The following RYR2 variants were observed in gnomAD, a reference collection of about 807,000 sequenced individuals.
RYR2 encodes cardiac muscle ryanodine receptor-calcium release channel.
Under a neutral mutation model 601.1 loss-of-function variants are expected in RYR2, and 227 were observed. The observed-to-expected ratio is 0.38, with a 90% CI of 0.34 to 0.42. The LOEUF (loss-of-function observed/expected upper bound fraction) is 0.42, where lower values mean the gene tolerates loss of function less well. Among genes scored for constraint, RYR2 ranks in the 10% least tolerant of loss-of-function variants. The probability of loss-of-function intolerance (pLI) is 1.00; values close to 1 mark genes in which losing one functional copy is unlikely to be tolerated. For missense variants in RYR2, 4,646 were observed against 6,156.5 expected (o/e 0.75, Z 8.21); for synonymous variants, 2,223 against 2,175.1 (o/e 1.02, Z -0.61).
chr1:237,208,936 GTATATA>G (rs56133827), intron 1 of RYR2, among the ~76,000 whole-genome samples: 2,234 of 89,622 alleles, frequency 0.025, 96 homozygotes, highest in African/African-American at 0.065. Flanking sequence ...ATGTGTGTGT[GTATATA>G]TATATATATA....
At chr1:237,728,834 A>G (rs567754521) in intron 76 of RYR2, among the ~76,000 whole-genome samples, 1 of 151,984 alleles carries the variant, frequency 6.6e-6, no homozygotes, top group East Asian at 1.9e-4. Context: ...CCTAATGCAT[A>G]TGGGGCTTAA....
chr1:237,208,960 A>ATATATATATATATATATATATG (rs1682169702), intron 1 of RYR2, among the ~76,000 whole-genome samples: 1 of 103,008 alleles, frequency 9.7e-6, no homozygotes, highest in African/African-American at 3.2e-5. Context: ...ATATATATAT[A>ATATATATATATATATATATATG]TATATATATA....
At chr1:237,343,619 G>A (rs1385978185) in intron 3 of RYR2, among the ~76,000 whole-genome samples, 4 of 152,120 alleles carry the variant, frequency 2.6e-5, no homozygotes, top group Non-Finnish European at 4.4e-5. Context: ...TGGACTGGAA[G>A]TTTTGTTTCT....
At position 237,819,020 on chromosome 1, in the gene RYR2, C is replaced by T; in HGVS notation, c.14434-16C>T. On this transcript the variant is annotated splice_polypyrimidine_tract_variant and intron_variant, in intron 100 of 104. Coordinates refer to ENST00000366574, the MANE Select transcript of RYR2 (RefSeq NM_001035.3). The surrounding 1 kb of genome is among the most constrained non-coding windows in gnomAD (Gnocchi z 4.0). ...GTAATGTCCCTCCAAGAAGTGATACCATGTCTTTTTTCCAGTGCTATATGT... is the reference window on the plus strand; with the variant it reads ...GTAATGTCCCTCCAAGAAGTGATACTATGTCTTTTTTCCAGTGCTATATGT... 1 of 1,597,614 alleles carries T rather than the reference C, an allele frequency of 6.3e-7. No individual in the cohort carries two copies. Among genetic ancestry groups the T allele is most frequent in the Non-Finnish European group, 8.6e-7 (1 of 1,168,466 alleles).
intron 1 of RYR2, among the ~76,000 whole-genome samples, chr1:237,183,036 T>C (rs1678960214): frequency 6.6e-6 from 1 of 152,128 alleles, no homozygotes. Flanking sequence ...CATTAGTTGG[T>C]TTGGTGATGA....
chr1:237,155,420 C>CCCACCT (rs1675216268), intron 1 of RYR2, among the ~76,000 whole-genome samples: 1 of 152,006 alleles, frequency 6.6e-6, no homozygotes, highest in African/African-American at 2.4e-5. Context: ...TTGTGATCCA[C>CCCACCT]CCACCTCCAC....
intron 100 of RYR2, among the ~76,000 whole-genome samples, chr1:237,815,918 T>A (rs1661769519): frequency 6.6e-6 from 1 of 152,136 alleles, no homozygotes; most frequent in African/African-American, 2.4e-5. Flanking sequence ...AAGCCAAATT[T>A]TAACCCAAGA....
At chr1:237,107,259 A>G (rs886609464) in intron 1 of RYR2, among the ~76,000 whole-genome samples, 13 of 152,118 alleles carry the variant, frequency 8.5e-5, no homozygotes, top group African/African-American at 2.4e-4. Context: ...TTCTTGCTTA[A>G]TAGAAAACAT....
chr1:237,732,878 T>C (rs1690811905), intron 78 of RYR2, among the ~76,000 whole-genome samples: 1 of 152,204 alleles, frequency 6.6e-6, no homozygotes, highest in South Asian at 2.1e-4. Context: ...TCCCATTCTC[T>C]GCAGAATTTG....
At chr1:237,578,721 G>A (rs1673548411) in intron 29 of RYR2, among the ~76,000 whole-genome samples, 1 of 76,268 alleles carries the variant, frequency 1.3e-5, no homozygotes, top group Non-Finnish European at 2.7e-5. Context: ...ATAAGGTGGT[G>A]GGAGTGGGGG....
At chr1:237,584,167 T>C (rs922329102) in intron 29 of RYR2, among the ~76,000 whole-genome samples, 2 of 152,166 alleles carry the variant, frequency 1.3e-5, no homozygotes, top group African/African-American at 2.4e-5. Flanking sequence ...ATATTTTACA[T>C]GTGCTGGGGG....
In RYR2 at chr1:237,717,378, CT is replaced by C; in HGVS notation, c.10494+14del. 1 of 1,590,348 alleles carries C rather than the reference CT, an allele frequency of 6.3e-7. No homozygotes were observed. The highest frequency in any genetic ancestry group is 1.7e-5 in the Admixed American group (1 of 57,656). ...AAATCGATTTAGCCTGGTAAGTCTC[CT>C]TTTCATCCCAGCGGTAATGATCATC... is the stretch of plus-strand genomic sequence containing the variant. On this transcript the variant is annotated intron_variant, in intron 72 of 104. Coordinates refer to ENST00000366574, the MANE Select transcript of RYR2 (RefSeq NM_001035.3).
intron 16 of RYR2, among the ~76,000 whole-genome samples, chr1:237,466,967 A>G (rs1385295719): frequency 1.3e-5 from 2 of 151,692 alleles, no homozygotes; most frequent in Non-Finnish European, 2.9e-5. Context: ...GGTTTATACC[A>G]TGTCTGTTTG....
intron 100 of RYR2, among the ~76,000 whole-genome samples, chr1:237,812,426 A>G (rs1164100334): frequency 6.6e-6 from 1 of 152,190 alleles, no homozygotes; most frequent in East Asian, 1.9e-4. Context: ...TGCCCCAGAA[A>G]TTCCAGAAGT....
At chr1:237,801,968 T>A in intron 98 of RYR2, 52 bp downstream of exon 98, 1 of 1,100,360 alleles carries the variant, frequency 9.1e-7, no homozygotes, top group Non-Finnish European at 1.4e-6. Flanking sequence ...TAGATAAGAC[T>A]GTGGGAGTTC....
chr1:237,084,142 C>G (rs1351349104), intron 1 of RYR2, among the ~76,000 whole-genome samples: 1 of 152,160 alleles, frequency 6.6e-6, no homozygotes, highest in Non-Finnish European at 1.5e-5. Context: ...AGATCTAATT[C>G]ACAACCACAA....
At chr1:237,208,274 T>A (rs1682039019) in intron 1 of RYR2, among the ~76,000 whole-genome samples, 1 of 152,220 alleles carries the variant, frequency 6.6e-6, no homozygotes, top group African/African-American at 2.4e-5. Flanking sequence ...ATTCTAGGAT[T>A]TCTTGACAAT....
intron 14 of RYR2, among the ~76,000 whole-genome samples, chr1:237,447,336 A>G (rs1657485854): frequency 6.6e-6 from 1 of 152,138 alleles, no homozygotes; most frequent in Non-Finnish European, 1.5e-5. Context: ...AATGTGATTT[A>G]CTTTAGCACA....
chr1:237,718,275 C>G (rs1021966495), intron 72 of RYR2, among the ~76,000 whole-genome samples, 187 bp from the exon 73 acceptor site: 15 of 152,160 alleles, frequency 9.9e-5, no homozygotes, highest in Non-Finnish European at 2.1e-4. Flanking sequence ...AGGTCATTAC[C>G]TTGCTTCAGG....
Sources: allele counts gnomAD v4.1 joint callset (sites outside exome capture counted in the v4.1 genomes callset), GRCh38; gene constraint gnomAD v4.1.1; non-coding constraint Gnocchi (gnomAD v3.1); transcripts MANE v1.5; gene names NCBI Gene and HGNC (gene_info 2026-07-23, HGNC 2026-07-21).